Variants in DLGAP2 observed in about 807,000 individuals in gnomAD.
DLGAP2 encodes the protein disks large-associated protein 2.
In DLGAP2, 26 loss-of-function variants were observed where a neutral mutation model predicts 100.3. That is an observed-to-expected ratio of 0.26 (90% CI 0.19 to 0.36). The LOEUF is 0.36. DLGAP2 is among the 10% of genes least tolerant of loss of function. The pLI is 1.00. For synonymous variants in DLGAP2, 886 were observed against 630.1 expected (o/e 1.41, Z -6.08); for missense variants, 1,858 against 1,453.2 (o/e 1.28, Z -4.53).
At chr8:911,205 T>A (rs1030582576) in intron 2 of DLGAP2, among the ~76,000 whole-genome samples, 2 of 152,172 alleles carry the variant, frequency 1.3e-5, no homozygotes. Context: ...TTTGGCTCCA[T>A]GGTGAAGAGA....
chr8:1,107,667 C>T (rs2129045087), intron 2 of DLGAP2, among the ~76,000 whole-genome samples: 1 of 152,314 alleles, frequency 6.6e-6, no homozygotes, highest in South Asian at 2.1e-4. Context: ...GCTTTATTTC[C>T]CCTGCTCTTC....
intron 2 of DLGAP2, among the ~76,000 whole-genome samples, chr8:1,153,461 C>T (rs995326407): frequency 3.3e-5 from 5 of 152,126 alleles, no homozygotes; most frequent in African/African-American, 1.2e-4. Flanking sequence ...GAAAGCTTAC[C>T]AGTCGCGTGA....
At chr8:1,351,725 G>C (rs1320150769) in intron 3 of DLGAP2, among the ~76,000 whole-genome samples, 67 of 32,070 alleles carry the variant, frequency 2.1e-3, no homozygotes, top group South Asian at 2.9e-3. Context: ...CGGGTCCTGA[G>C]TGTGTGTGGA....
At chr8:1,649,909 G>T (rs1197814386) in intron 8 of DLGAP2, among the ~76,000 whole-genome samples, 1 of 152,148 alleles carries the variant, frequency 6.6e-6, no homozygotes, top group African/African-American at 2.4e-5. Context: ...CATATCAAAT[G>T]TTACCATGAG....
intron 2 of DLGAP2, among the ~76,000 whole-genome samples, chr8:1,000,919 G>A (rs963075220): frequency 7.9e-5 from 12 of 152,124 alleles, no homozygotes; most frequent in African/African-American, 2.4e-4. Context: ...TGCGGCCTCC[G>A]AGAGTGCCTG....
intron 1 of DLGAP2, among the ~76,000 whole-genome samples, chr8:892,386 C>T (rs568098331): frequency 5.3e-5 from 8 of 152,238 alleles, no homozygotes; most frequent in East Asian, 1.9e-4. Context: ...AACGAAATCC[C>T]GACGAGGCTA....
Position 1,548,870 on chromosome 8 carries a change from C to T in DLGAP2, c.417C>T (p.Ser139=), listed in dbSNP as rs1248434603. The T allele has an allele frequency of 3.1e-6, 5 of 1,592,184 alleles. No homozygotes were observed. The highest frequency in any genetic ancestry group is 4.3e-6 in the Non-Finnish European group (5 of 1,175,302). The change falls in exon 5 of 15, where the codon AGC becomes AGT. Residue 139 remains serine, a synonymous_variant. Transcript: ENST00000637795. ...PGGRHRCSPR[S]SVHSECVMMP... is the part of the protein sequence containing the mutation. ...GGCGCCACCGCTGCTCGCCGCGCAG[C>T]TCGGTGCACTCGGAGTGCGTGATGA...
chr8:1,094,554 C>T (rs1168682676), intron 2 of DLGAP2, among the ~76,000 whole-genome samples: 3 of 152,248 alleles, frequency 2.0e-5, no homozygotes, highest in Non-Finnish European at 4.4e-5. Flanking sequence ...TGGTGCATCA[C>T]ACCTTCCAAC....
At chr8:1,458,922 A>C (rs555094796) in intron 3 of DLGAP2, among the ~76,000 whole-genome samples, 39 of 152,318 alleles carry the variant, frequency 2.6e-4, no homozygotes, top group Middle Eastern at 3.4e-3. Flanking sequence ...CTTTCCCACC[A>C]ATGTGCAAGA....
At chr8:1,168,321 G>A (rs1003153301) in intron 2 of DLGAP2, among the ~76,000 whole-genome samples, 1 of 151,768 alleles carries the variant, frequency 6.6e-6, no homozygotes. Context: ...TTGCTATTGT[G>A]AATAGTGCCG....
intron 3 of DLGAP2, among the ~76,000 whole-genome samples, chr8:1,346,748 G>C (rs894991682): frequency 7.0e-6 from 1 of 142,100 alleles, no homozygotes; most frequent in African/African-American, 2.7e-5. Flanking sequence ...TTGCACTCAC[G>C]GTAGCTGTGT....
At chr8:1,133,278 C>T (rs935027843) in intron 2 of DLGAP2, among the ~76,000 whole-genome samples, 6 of 152,028 alleles carry the variant, frequency 3.9e-5, no homozygotes, top group South Asian at 2.1e-4. Flanking sequence ...TTTGCAGGCT[C>T]CTGAAAGTGG....
At chr8:810,894 C>T (rs577596525) in intron 1 of DLGAP2, among the ~76,000 whole-genome samples, 3 of 152,290 alleles carry the variant, frequency 2.0e-5, no homozygotes, top group Non-Finnish European at 4.4e-5. Context: ...ATTAGGAGAT[C>T]CTTTGTCAAT....
chr8:798,545 C>G (rs1796084221), intron 1 of DLGAP2, among the ~76,000 whole-genome samples: 1 of 136,938 alleles, frequency 7.3e-6, no homozygotes, highest in Non-Finnish European at 1.6e-5. Flanking sequence ...TGCCCCGGCG[C>G]TGGCCAGGTG....
chr8:1,279,444 T>G (rs1189546908), intron 3 of DLGAP2, among the ~76,000 whole-genome samples: 4 of 152,218 alleles, frequency 2.6e-5, no homozygotes, highest in African/African-American at 9.7e-5. Context: ...AAAACTAAGC[T>G]TCAAGGCGGA....
At chr8:974,348 A>G (rs528224774) in intron 2 of DLGAP2, among the ~76,000 whole-genome samples, 7 of 152,358 alleles carry the variant, frequency 4.6e-5, no homozygotes, top group Non-Finnish European at 5.9e-5. Context: ...GCAAGCAGGA[A>G]AAAAGTTGAT....
At chr8:1,208,122 C>T (rs554002959) in intron 2 of DLGAP2, among the ~76,000 whole-genome samples, 69 of 152,308 alleles carry the variant, frequency 4.5e-4, no homozygotes, top group Admixed American at 3.7e-3. Flanking sequence ...GGTTCTTGCT[C>T]ATGAAGTATT....
chr8:838,505 C>T (rs536079742), intron 1 of DLGAP2, among the ~76,000 whole-genome samples: 1 of 152,014 alleles, frequency 6.6e-6, no homozygotes, highest in African/African-American at 2.4e-5. Flanking sequence ...TATGGGTCTT[C>T]AGGAATTTCA....
intron 1 of DLGAP2, among the ~76,000 whole-genome samples, chr8:778,305 C>G (rs1821584257): frequency 6.6e-6 from 1 of 152,198 alleles, no homozygotes; most frequent in Admixed American, 6.5e-5. Flanking sequence ...CCTCTCGTAG[C>G]TCAGAGTAAT....
Sources: gnomAD v4.1 joint callset for allele counts (sites outside exome capture counted in the v4.1 genomes callset) on GRCh38, gnomAD v4.1.1 for gene constraint, MANE v1.5 for transcripts, NCBI Gene and HGNC (gene_info 2026-07-23, HGNC 2026-07-21) for gene names.